The following GSTA3 variants were observed in gnomAD, a reference collection of about 807,000 sequenced individuals.
GSTA3 encodes glutathione S-transferase alpha 3.
In GSTA3, 16 loss-of-function variants were observed where a neutral mutation model predicts 23.1. That is an observed-to-expected ratio of 0.69 (90% CI 0.47 to 1.05). The LOEUF (loss-of-function observed/expected upper bound fraction) is 1.05, where lower values mean the gene tolerates loss of function less well. GSTA3 is among the 50% of genes least tolerant of loss of function. GSTA3 has a pLI of 0.00. For missense variants in GSTA3, 319 were observed against 263.6 expected (o/e 1.21, Z -1.46); for synonymous variants, 122 against 91.0 (o/e 1.34, Z -1.94).
At chr6:52,909,276 C>T (rs980763386) in intron 1 of GSTA3, among the ~76,000 whole-genome samples, 6 of 152,146 alleles carry the variant, frequency 3.9e-5, no homozygotes, top group African/African-American at 1.4e-4. Context: ...TGTGTGTTGA[C>T]TCCTGTGAAT....
At chr6:52,904,093 C>T (rs1021068813) in intron 2 of GSTA3, among the ~76,000 whole-genome samples, 2 of 151,920 alleles carry the variant, frequency 1.3e-5, no homozygotes, top group Non-Finnish European at 2.9e-5. Context: ...CCCAAGTGAC[C>T]CTCCCACCTC....
In GSTA3 at chr6:52,903,541, A is replaced by G. The variant is rs560762585; in HGVS notation, c.139+135T>C. 260 of 449,616 alleles carry G rather than the reference A, an allele frequency of 5.8e-4. 1 individual carries two copies. Among genetic ancestry groups the G allele is most frequent in the African/African-American group, 5.3e-3 (252 of 47,936 alleles). 27.9% of individuals were successfully genotyped at this position (449,616 alleles called of 1,614,324 possible). On this transcript the variant is annotated intron_variant, in intron 3 of 6. Transcript: ENST00000211122. Reference sequence around the variant, plus strand: ...GAACCTGGGAGGCGGAGCTTGCAGTAAGCCGAGATCATGCCACTGCACTCC... The same window carrying G: ...GAACCTGGGAGGCGGAGCTTGCAGTGAGCCGAGATCATGCCACTGCACTCC...
chr6:52,904,604 C>T (rs1419249908), intron 2 of GSTA3, among the ~76,000 whole-genome samples: 4 of 152,164 alleles, frequency 2.6e-5, no homozygotes, highest in African/African-American at 9.7e-5. Flanking sequence ...CAGGACGCCA[C>T]CTCACCTGAA....
At chr6:52,901,854 C>T (rs1385164775) in intron 4 of GSTA3, among the ~76,000 whole-genome samples, 2 of 152,206 alleles carry the variant, frequency 1.3e-5, no homozygotes, top group African/African-American at 4.8e-5. Context: ...CCAGCCTCTA[C>T]TAGCCCTGCT....
intron 4 of GSTA3, among the ~76,000 whole-genome samples, chr6:52,901,223 C>T (rs899035276): frequency 6.6e-6 from 1 of 152,164 alleles, no homozygotes; most frequent in Non-Finnish European, 1.5e-5. Context: ...CACTCTAATT[C>T]TAGAATATTT....
chr6:52,909,217 A>T (rs755086634), intron 1 of GSTA3, among the ~76,000 whole-genome samples: 1 of 152,156 alleles, frequency 6.6e-6, no homozygotes, highest in African/African-American at 2.4e-5. Flanking sequence ...TCATTGATCA[A>T]GTGGTGCTCC....
intron 5 of GSTA3, among the ~76,000 whole-genome samples, chr6:52,898,451 G>T (rs1167488422): frequency 6.6e-6 from 1 of 152,112 alleles, no homozygotes; most frequent in African/African-American, 2.4e-5. Context: ...CCTCTAGTGT[G>T]ATTCAGAGCC....
chr6:52,907,964 T>TA (rs1403342238), intron 1 of GSTA3, among the ~76,000 whole-genome samples: 1 of 151,364 alleles, frequency 6.6e-6, no homozygotes, highest in African/African-American at 2.4e-5. Context: ...CCCTACAACT[T>TA]AAAGTATAAT....
intron 5 of GSTA3, 97 bp downstream of exon 5, chr6:52,899,837 A>T: frequency 8.7e-7 from 1 of 1,144,400 alleles, no homozygotes; most frequent in South Asian, 1.3e-5. Flanking sequence ...AGGAAGTCTC[A>T]CTGAAAGTGA....
intron 5 of GSTA3, among the ~76,000 whole-genome samples, chr6:52,898,977 T>A (rs1765569024): frequency 6.6e-6 from 1 of 151,838 alleles, no homozygotes. Flanking sequence ...TTGGCAGGAG[T>A]CAGGGCAGAG....
chr6:52,900,194 C>T (rs1561952118), intron 4 of GSTA3, 119 bp from the exon 5 acceptor site: 9 of 721,594 alleles, frequency 1.2e-5, no homozygotes, highest in Non-Finnish European at 2.0e-5. Flanking sequence ...CCATTGGGTG[C>T]CTTTTATATT....
At chr6:52,902,608 C>T (rs1008656091) in intron 3 of GSTA3, 130 bp from the exon 4 acceptor site, 56 of 921,218 alleles carry the variant, frequency 6.1e-5, no homozygotes, top group Non-Finnish European at 7.7e-5. Context: ...ACCTCAAAAA[C>T]GAAATAGTAT....
At chr6:52,906,113 C>T (rs549032251) in intron 1 of GSTA3, among the ~76,000 whole-genome samples, 20 of 152,274 alleles carry the variant, frequency 1.3e-4, no homozygotes, top group Admixed American at 4.6e-4. Flanking sequence ...TTATTCCAGG[C>T]ACTACTGACT....
rs1202584008 is a variant in GSTA3 at position 52,903,669 on chromosome 6, A to G, written c.139+7T>C. On this transcript the variant is annotated splice_region_variant and intron_variant, in intron 3 of 6. Transcript: ENST00000211122. ...CTCATCAGAGGCACTTAGAGACTTG[A>G]TCTTACCATTTCTTAACTTTCCCAA... 3 of 1,500,846 alleles carry G rather than the reference A, an allele frequency of 2.0e-6. No homozygotes were observed. In the South Asian group the frequency reaches 3.4e-5, roughly 17 times the overall value. The allele number at this position is 1,500,846 out of a possible 1,614,324, so 93.0% of individuals were successfully genotyped here. A position where few individuals can be genotyped will look rare whatever the true frequency, so the allele number is the denominator to read the frequency against.
At chr6:52,898,097 T>G in intron 5 of GSTA3, 141 bp from the exon 6 acceptor site, 1 of 932,050 alleles carries the variant, frequency 1.1e-6, no homozygotes, top group South Asian at 1.5e-5. Flanking sequence ...TTGTTTATGT[T>G]CCCTGATTGA....
chr6:52,906,572 G>C (rs1433213636), intron 1 of GSTA3, among the ~76,000 whole-genome samples: 1 of 152,128 alleles, frequency 6.6e-6, no homozygotes. Flanking sequence ...ATACTACAAG[G>C]CTACAGTAAC....
At chr6:52,901,838 T>C (rs990829298) in intron 4 of GSTA3, among the ~76,000 whole-genome samples, 5 of 152,244 alleles carry the variant, frequency 3.3e-5, no homozygotes, top group African/African-American at 1.2e-4. Context: ...CCCAGAGTTC[T>C]GGGTGCCAGC....
At chr6:52,896,970 T>G (rs756178019) in intron 6 of GSTA3, 42 bp from the exon 7 acceptor site, 7 of 1,611,354 alleles carry the variant, frequency 4.3e-6, no homozygotes, top group Non-Finnish European at 4.2e-6. Context: ...AGCCAAGGTC[T>G]GCCACCACCA....
At chr6:52,901,935 C>T (rs934536056) in intron 4 of GSTA3, among the ~76,000 whole-genome samples, 5 of 152,130 alleles carry the variant, frequency 3.3e-5, no homozygotes, top group Non-Finnish European at 7.3e-5. Context: ...TTACTGGGAC[C>T]TGAGATTCAG....
Sources: allele counts gnomAD v4.1 joint callset (sites outside exome capture counted in the v4.1 genomes callset), GRCh38; gene constraint gnomAD v4.1.1; transcripts MANE v1.5; gene names NCBI Gene and HGNC (gene_info 2026-07-23, HGNC 2026-07-21).